Variants in EPB41L5 observed in about 807,000 individuals in gnomAD.
EPB41L5 encodes band 4.1-like protein 5.
A neutral mutation model predicts 106.6 loss-of-function variants in EPB41L5; 55 were observed. That is an observed-to-expected ratio of 0.52 (90% CI 0.42 to 0.65). The LOEUF is 0.65. Ranked by LOEUF, EPB41L5 falls within the 30% of genes least tolerant of loss-of-function variation. The pLI is 0.00. For synonymous variants in EPB41L5, 297 were observed against 306.7 expected, an observed-to-expected ratio of 0.97 and a Z score of 0.33; for missense variants, 871 against 882.1, an observed-to-expected ratio of 0.99 and a Z score of 0.16.
intron 3 of EPB41L5, among the ~76,000 whole-genome samples, chr2:120,052,616 T>C (rs1160005644): frequency 1.3e-5 from 2 of 152,230 alleles, no homozygotes; most frequent in Non-Finnish European, 2.9e-5. Flanking sequence ...TTCCCACGTA[T>C]GGTCAATGGG....
At chr2:120,052,819 ATCTC>A (rs1302186626) in intron 3 of EPB41L5, among the ~76,000 whole-genome samples, 1 of 152,148 alleles carries the variant, frequency 6.6e-6, no homozygotes, top group Non-Finnish European at 1.5e-5. Context: ...ATTTCTCCAT[ATCTC>A]TCTCTCGAAT....
At chr2:120,113,488 A>G (rs1684813332) in intron 16 of EPB41L5, among the ~76,000 whole-genome samples, 1 of 152,228 alleles carries the variant, frequency 6.6e-6, no homozygotes, top group African/African-American at 2.4e-5. Flanking sequence ...ATGGATATGA[A>G]CTAAGACATT....
chr2:120,046,193 A>G (rs1046233780), intron 3 of EPB41L5, among the ~76,000 whole-genome samples: 3 of 152,184 alleles, frequency 2.0e-5, no homozygotes, highest in African/African-American at 7.2e-5. Context: ...GGCTGGGTCA[A>G]ATGGTATTTC....
Position 120,058,685 on chromosome 2 carries a change from ACCAGCATTGCT to A in EPB41L5, c.286-14492_286-14482del, listed in dbSNP as rs1283222984. On this transcript the variant is annotated intron_variant, in intron 3 of 24. Coordinates refer to ENST00000263713, the MANE Select transcript of EPB41L5 (RefSeq NM_020909.4). ...ATTTGCTGTTAAATAGGTTTGTTGTACCAGCATTGCTGGATCTTCAGGTATTTCAAGAAAAG... is the reference window on the plus strand; with the variant it reads ...ATTTGCTGTTAAATAGGTTTGTTGTAGGATCTTCAGGTATTTCAAGAAAAG... Among the ~76,000 whole-genome samples the A allele has an allele frequency of 3.9e-5, 6 of 152,352 alleles. No homozygotes were observed. The East Asian group carries it at 1.2e-3, about 29-fold the overall frequency.
At position 120,075,707 on chromosome 2, in the gene EPB41L5, CTG is replaced by C; in HGVS notation, c.461_462del (p.Cys154SerfsTer3). On this transcript the variant is annotated frameshift_variant, in exon 7 of 25. Coordinates refer to ENST00000263713, the MANE Select transcript of EPB41L5 (RefSeq NM_020909.4). LOFTEE classifies it high-confidence loss of function. ...ACTTGTGTTTTGGTCTCAGATTAGA[CTG>C]TCCCTTTGATACAGCAGTGCAATTG... is the stretch of plus-strand genomic sequence containing the variant. ...KQDILSGKLDCPFDTAVQLAA... is the reference protein window; with the variant it reads ...KQDILSGKLDXPFDTAVQLAA... 5.6e-6 allele frequency: 9 copies of C among 1,613,350 alleles called. No homozygotes were observed. The highest frequency in any genetic ancestry group is 7.6e-6 in the Non-Finnish European group (9 of 1,179,462).
intron 2 of EPB41L5, among the ~76,000 whole-genome samples, chr2:120,022,259 G>A (rs966064801): frequency 9.2e-5 from 14 of 151,908 alleles, no homozygotes; most frequent in African/African-American, 1.7e-4. Flanking sequence ...AGGTATACAC[G>A]TGCCATCGTG....
At chr2:120,103,996 C>T in intron 16 of EPB41L5, 1 of 1,447,266 alleles carries the variant, frequency 6.9e-7, no homozygotes, top group Non-Finnish European at 9.1e-7. Context: ...TTGTCTCTTA[C>T]ACATCCATTT....
chr2:120,033,011 C>T (rs557627219), intron 2 of EPB41L5, among the ~76,000 whole-genome samples: 51 of 152,044 alleles, frequency 3.4e-4, no homozygotes, highest in South Asian at 6.2e-4. Context: ...TTGTTAAGTG[C>T]GTAATGAAAT....
At chr2:120,099,032 A>G (rs1377534405) in intron 14 of EPB41L5, among the ~76,000 whole-genome samples, 3 of 152,230 alleles carry the variant, frequency 2.0e-5, no homozygotes, top group Non-Finnish European at 4.4e-5. Flanking sequence ...TACCCGAAGT[A>G]TTCTTTCCTT....
intron 14 of EPB41L5, among the ~76,000 whole-genome samples, chr2:120,099,259 T>C (rs563212627): frequency 6.6e-6 from 1 of 152,200 alleles, no homozygotes; most frequent in African/African-American, 2.4e-5. Context: ...TAGGAAACTT[T>C]TTTTCTCATT....
intron 11 of EPB41L5, among the ~76,000 whole-genome samples, chr2:120,088,222 C>T (rs931066058): frequency 6.6e-6 from 1 of 152,012 alleles, no homozygotes; most frequent in African/African-American, 2.4e-5. Flanking sequence ...TATACTTTTC[C>T]TGTTTTAAAC....
At chr2:120,150,277 ACTT>A (rs1266936412) in intron 20 of EPB41L5, among the ~76,000 whole-genome samples, 1 of 151,912 alleles carries the variant, frequency 6.6e-6, no homozygotes, top group East Asian at 1.9e-4. Context: ...CATTCGTGTA[ACTT>A]CTTTGGATAA....
chr2:120,078,348 C>G (rs980095121), intron 9 of EPB41L5, 145 bp from the exon 10 acceptor site: 4 of 404,458 alleles, frequency 9.9e-6, no homozygotes, highest in Non-Finnish European at 1.3e-5. Flanking sequence ...TATGGATACT[C>G]TAATTGTTGA....
chr2:120,071,341 A>G (rs1574590536), intron 3 of EPB41L5, among the ~76,000 whole-genome samples: 1 of 152,340 alleles, frequency 6.6e-6, no homozygotes. Context: ...GGACACAAAC[A>G]AATGGAAAAA....
At chr2:120,086,749 A>C (rs917482806) in intron 10 of EPB41L5, among the ~76,000 whole-genome samples, 2 of 152,158 alleles carry the variant, frequency 1.3e-5, no homozygotes, top group African/African-American at 4.8e-5. Context: ...TCAAACAAAC[A>C]AAAAGAGTTG....
At chr2:120,058,680 G>T (rs1182101430) in intron 3 of EPB41L5, among the ~76,000 whole-genome samples, 1 of 152,206 alleles carries the variant, frequency 6.6e-6, no homozygotes. Flanking sequence ...AAATAGGTTT[G>T]TTGTACCAGC....
At chr2:120,165,699 G>T (rs1687367810) in intron 22 of EPB41L5, among the ~76,000 whole-genome samples, 3 of 152,150 alleles carry the variant, frequency 2.0e-5, no homozygotes, top group Non-Finnish European at 4.4e-5. Flanking sequence ...TGGACACGGT[G>T]GCTCACGCCT....
At chr2:120,081,350 A>G (rs1006233162) in intron 10 of EPB41L5, among the ~76,000 whole-genome samples, 6 of 152,166 alleles carry the variant, frequency 3.9e-5, no homozygotes, top group Admixed American at 3.9e-4. Context: ...TCCCGGCACC[A>G]TTTATTAAAT....
intron 3 of EPB41L5, among the ~76,000 whole-genome samples, chr2:120,058,981 G>A (rs1239272177): frequency 6.6e-6 from 1 of 152,140 alleles, no homozygotes; most frequent in Admixed American, 6.6e-5. Flanking sequence ...AAAGACAGAG[G>A]ACTACTAGAA....
Sources: allele counts gnomAD v4.1 joint callset (sites outside exome capture counted in the v4.1 genomes callset), GRCh38; gene constraint gnomAD v4.1.1; transcripts MANE v1.5; gene names NCBI Gene and HGNC (gene_info 2026-07-23, HGNC 2026-07-21).